ALLC: variants seen among roughly 807,000 people sequenced by gnomAD.
The protein encoded by ALLC is probable inactive allantoicase.
Under a neutral mutation model 45.0 loss-of-function variants are expected in ALLC, and 40 were observed. The ratio of observed to expected loss-of-function variants is 0.89; its 90% CI spans 0.69 to 1.16. ALLC has a LOEUF of 1.16. Among genes scored for constraint, ALLC ranks in the 50% most tolerant of loss-of-function variants. The probability of loss-of-function intolerance (pLI) is 0.00; values close to 1 mark genes in which losing one functional copy is unlikely to be tolerated. For synonymous variants in ALLC, 176 were observed against 178.1 expected, an observed-to-expected ratio of 0.99 and a Z score of 0.09; for missense variants, 488 against 493.1, an observed-to-expected ratio of 0.99 and a Z score of 0.10.
At chr2:3,681,495 A>G in intron 5 of ALLC, 139 bp from the exon 6 acceptor site, 1 of 570,374 alleles carries the variant, frequency 1.8e-6, no homozygotes, top group Non-Finnish European at 3.1e-6. Flanking sequence ...AAGTGTGTCT[A>G]TTACTTTGAT....
At chr2:3,666,969 A>G (rs900546005) in intron 1 of ALLC, among the ~76,000 whole-genome samples, 1 of 152,190 alleles carries the variant, frequency 6.6e-6, no homozygotes, top group Admixed American at 6.5e-5. Flanking sequence ...TTTGAGTTTT[A>G]TATAATTTCA....
chr2:3,654,354 G>A (rs1666395756), upstream of ALLC, among the ~76,000 whole-genome samples: 1 of 152,268 alleles, frequency 6.6e-6, no homozygotes, highest in Non-Finnish European at 1.5e-5. Context: ...CGGCTGCAGT[G>A]GCTTTGATGG....
At chr2:3,659,015 T>G (rs1210862359) in intron 1 of ALLC, among the ~76,000 whole-genome samples, 2 of 152,196 alleles carry the variant, frequency 1.3e-5, no homozygotes, top group Non-Finnish European at 2.9e-5. Flanking sequence ...GCAGTTGACC[T>G]TGGGCTGCTC....
chr2:3,671,667 G>T lies in ALLC; in HGVS notation c.33+477G>T, dbSNP rs528812051. 1.6e-3 allele frequency among the ~76,000 whole-genome samples: 241 copies of T among 150,396 alleles called. 3 individuals carry two copies. The highest frequency in any genetic ancestry group is 5.7e-3 in the African/African-American group (233 of 40,742). ...GCTCTATTTAGATCCGAGGTCCTCT[G>T]GCTCTATTTAGATCCGAGGTCCTCT... On this transcript the variant is annotated intron_variant, in intron 2 of 11. Transcript: ENST00000252505.
intron 10 of ALLC, among the ~76,000 whole-genome samples, chr2:3,699,077 A>G (rs13034518): frequency 0.21 from 32,516 of 152,122 alleles, 3,925 homozygotes; most frequent in Middle Eastern, 0.32. Flanking sequence ...GGTTTGTTAT[A>G]TAGGTAAACT....
intron 7 of ALLC, among the ~76,000 whole-genome samples, chr2:3,685,269 C>G (rs142198927): frequency 7.2e-6 from 1 of 139,302 alleles, no homozygotes; most frequent in African/African-American, 2.5e-5. Flanking sequence ...TTACTCTGCT[C>G]TCACGTTGCT....
intron 7 of ALLC, among the ~76,000 whole-genome samples, chr2:3,691,472 A>G (rs912808999): frequency 6.6e-6 from 1 of 151,834 alleles, no homozygotes. Context: ...CATGTTGCCC[A>G]GGCTGGTCTC....
At chr2:3,650,935 C>T in the ALLC span, among the ~76,000 whole-genome samples, 2 of 152,232 alleles carry the variant, frequency 1.3e-5, no homozygotes, top group South Asian at 4.1e-4. Flanking sequence ...AGAACCATTA[C>T]CCTGATTTTA....
At chr2:3,667,756 C>T (rs946066417) in intron 1 of ALLC, among the ~76,000 whole-genome samples, 3 of 152,184 alleles carry the variant, frequency 2.0e-5, no homozygotes, top group Non-Finnish European at 4.4e-5. Flanking sequence ...TCCGGAAAGG[C>T]AGATAATAAA....
Position 3,664,905 on chromosome 2 carries a change from A to AC in ALLC, c.-62-6191_-62-6190insC, listed in dbSNP as rs551331571. Among the ~76,000 whole-genome samples, 1,403 of 149,920 alleles carry AC rather than the reference A, an allele frequency of 9.4e-3. 29 individuals carry two copies. Among genetic ancestry groups the AC allele is most frequent in the African/African-American group, 0.034 (1,345 of 39,746 alleles). ...TCTCCAAAAAAAAAAACAAAACCAA[A>AC]ACCCCCCCCCAAACCAGATGTTTCC... On this transcript the variant is annotated intron_variant, in intron 1 of 11. Transcript: ENST00000252505.
chr2:3,665,766 A>G (rs956907912), intron 1 of ALLC, among the ~76,000 whole-genome samples: 1 of 152,202 alleles, frequency 6.6e-6, no homozygotes, highest in African/African-American at 2.4e-5. Flanking sequence ...TAGTGCTGCA[A>G]TGAACATATG....
intron 7 of ALLC, among the ~76,000 whole-genome samples, chr2:3,691,842 C>G (rs1266974703): frequency 6.6e-6 from 1 of 151,936 alleles, no homozygotes; most frequent in Non-Finnish European, 1.5e-5. Flanking sequence ...TTAAATAGCC[C>G]ATTTTGAGCT....
chr2:3,672,231 G>A (rs1307662961), intron 2 of ALLC, among the ~76,000 whole-genome samples: 1 of 119,784 alleles, frequency 8.3e-6, no homozygotes, highest in Non-Finnish European at 1.8e-5. Flanking sequence ...TTAGATAGGA[G>A]GTCCTCTGGC....
At chr2:3,671,248 C>T in intron 2 of ALLC, 58 bp downstream of exon 2, 3 of 1,564,944 alleles carry the variant, frequency 1.9e-6, no homozygotes, top group East Asian at 2.3e-5. Flanking sequence ...AAGGGCACAA[C>T]TCACCAGTGC....
chr2:3,668,861 C>T (rs1487717061), intron 1 of ALLC, among the ~76,000 whole-genome samples: 2 of 151,256 alleles, frequency 1.3e-5, no homozygotes, highest in Non-Finnish European at 2.9e-5. Flanking sequence ...CAGGAGTGAG[C>T]CACCGCGCCT....
At chr2:3,693,611 TG>T (rs1158800932) in intron 7 of ALLC, among the ~76,000 whole-genome samples, 3 of 152,230 alleles carry the variant, frequency 2.0e-5, no homozygotes, top group Non-Finnish European at 4.4e-5. Flanking sequence ...TTGTCATTTT[TG>T]TACACCTGAC....
chr2:3,690,267 CCCCCT>C lies in ALLC; in HGVS notation c.512-5440_512-5436del, dbSNP rs1558545650. On this transcript the variant is annotated intron_variant, in intron 7 of 11. Coordinates refer to ENST00000252505, the MANE Select transcript of ALLC (RefSeq NM_018436.4). ...CCCTCCCCTTCCCTTCCCTTCCCTC[CCCCCT>C]CCCCTCCCCCTCCCCCTCCCCTCCC... 3.4e-3 allele frequency among the ~76,000 whole-genome samples: 19 copies of C among 5,548 alleles called. 4 individuals are homozygous for C. The highest frequency in any genetic ancestry group is 0.012 in the African/African-American group (10 of 844). The allele number at this position is 5,548 out of a possible 152,430, so 3.6% of individuals were successfully genotyped here.
chr2:3,651,445 G>GTGTGTGT, the ALLC span, among the ~76,000 whole-genome samples: 5 of 25,446 alleles, frequency 2.0e-4, 1 homozygote, highest in Admixed American at 6.4e-4. Context: ...GTGTGTGTTA[G>GTGTGTGT]GAAGGGAGAC....
At chr2:3,700,465 G>A (rs764498558) in intron 10 of ALLC, among the ~76,000 whole-genome samples, 1 of 152,022 alleles carries the variant, frequency 6.6e-6, no homozygotes, top group South Asian at 2.1e-4. Context: ...TTTTGTGAGG[G>A]ATGCTTTAGT....
Sources: gnomAD v4.1 joint callset for allele counts (sites outside exome capture counted in the v4.1 genomes callset) on GRCh38, gnomAD v4.1.1 for gene constraint, MANE v1.5 for transcripts, NCBI Gene and HGNC (gene_info 2026-07-23, HGNC 2026-07-21) for gene names.